Variants in TCN2 observed in about 807,000 individuals in gnomAD.
TCN2 encodes transcobalamin-2.
A neutral mutation model predicts 48.6 loss-of-function variants in TCN2; 34 were observed. The observed-to-expected ratio is 0.70, with a 90% CI of 0.53 to 0.93. The LOEUF is 0.93. Among genes scored for constraint, TCN2 ranks in the 40% least tolerant of loss-of-function variants. The probability of loss-of-function intolerance (pLI) is 0.00; values close to 1 mark genes in which losing one functional copy is unlikely to be tolerated. For missense variants in TCN2, 652 were observed against 526.1 expected (o/e 1.24, Z -2.34); for synonymous variants, 283 against 212.5 (o/e 1.33, Z -2.89).
chr22:30,614,028 G>C (rs1181883746), intron 3 of TCN2, among the ~76,000 whole-genome samples: 1 of 152,088 alleles, frequency 6.6e-6, no homozygotes, highest in Non-Finnish European at 1.5e-5. Flanking sequence ...CCTCCTTGGA[G>C]AATCCTGCCT....
chr22:30,608,356 C>T (rs1366316102), intron 1 of TCN2, among the ~76,000 whole-genome samples: 1 of 152,154 alleles, frequency 6.6e-6, no homozygotes, highest in Non-Finnish European at 1.5e-5. Flanking sequence ...CTTTGCTGAA[C>T]TTAGTTTTTA....
At chr22:30,615,579 C>T (rs201825194) in intron 5 of TCN2, 22 bp from the exon 6 acceptor site, 6 of 1,613,978 alleles carry the variant, frequency 3.7e-6, no homozygotes, top group East Asian at 2.2e-5. Flanking sequence ...CTTCCTCTCT[C>T]TCTTCCTCAC....
rs911038185 is a variant in TCN2, at chr22:30,615,762, C to T, written c.915C>T (p.Ile305=). 41 of 1,614,222 alleles carry T rather than the reference C, an allele frequency of 2.5e-5. No individual in the cohort carries two copies. The highest frequency in any genetic ancestry group is 3.4e-5 in the Non-Finnish European group (40 of 1,180,040). ...ACCACAAGACCTACATTGATCTGAT[C>T]TTCCCAGACTGTCTGGCACCACGAG... ...VLNHKTYIDL[I]FPDCLAPRVM... Residue 305 remains isoleucine (I), a synonymous_variant, in exon 6 of 9, where the codon ATC becomes ATT. Coordinates refer to ENST00000215838, the MANE Select transcript of TCN2 (RefSeq NM_000355.4).
chr22:30,619,585 C>T (rs1182058446), intron 7 of TCN2, among the ~76,000 whole-genome samples: 1 of 152,136 alleles, frequency 6.6e-6, no homozygotes, highest in South Asian at 2.1e-4. Flanking sequence ...GGGAGTCCAG[C>T]CCAGAGAAGT....
intron 6 of TCN2, 59 bp downstream of exon 6, chr22:30,615,846 T>A: frequency 6.2e-7 from 1 of 1,603,014 alleles, no homozygotes; most frequent in Non-Finnish European, 8.5e-7. Context: ...CCCATTGACG[T>A]CCCAGTGAGG....
chr22:30,612,555 A>G (rs1569039388), intron 2 of TCN2, among the ~76,000 whole-genome samples: 2 of 152,302 alleles, frequency 1.3e-5, no homozygotes, highest in African/African-American at 4.8e-5. Flanking sequence ...TGTCTCAAAG[A>G]AAATAAATAA....
At chr22:30,616,645 C>G (rs375376684) in intron 6 of TCN2, among the ~76,000 whole-genome samples, 1 of 151,878 alleles carries the variant, frequency 6.6e-6, no homozygotes, top group East Asian at 1.9e-4. Flanking sequence ...TACTAAAATA[C>G]GAAAGATTAG....
rs372462772 is a variant in TCN2 at position 30,617,307 on chromosome 22, C to T, written c.941-23C>T. 3.1e-6 allele frequency: 5 copies of T among 1,613,950 alleles called. 1 individual carries two copies. In the South Asian group the frequency reaches 3.3e-5, roughly 11 times the overall value. ...GGCTCTCTGTCCTCACACCAGCTGC[C>T]CGCCCCTTTCTTCCTGGCACAGTCA... On this transcript the variant is annotated intron_variant, in intron 6 of 8. Coordinates refer to ENST00000215838, the MANE Select transcript of TCN2 (RefSeq NM_000355.4).
intron 8 of TCN2, 198 bp downstream of exon 8, chr22:30,623,281 A>C (rs2087725200): frequency 1.8e-6 from 1 of 547,252 alleles, no homozygotes; most frequent in Non-Finnish European, 3.2e-6. Flanking sequence ...AAATTCTAGG[A>C]AACCAGACAG....
intron 1 of TCN2, 107 bp downstream of exon 1, chr22:30,607,502 G>A (rs769439047): frequency 7.5e-5 from 95 of 1,259,600 alleles, no homozygotes; most frequent in Non-Finnish European, 1.0e-4. Context: ...TCCCATAGCA[G>A]TTTGGGCTTA....
intron 3 of TCN2, among the ~76,000 whole-genome samples, chr22:30,613,587 A>G (rs1467931716): frequency 1.3e-5 from 2 of 152,112 alleles, no homozygotes; most frequent in African/African-American, 4.8e-5. Flanking sequence ...CCCACTGACA[A>G]GCCTTGTATT....
At chr22:30,610,795 G>T in intron 1 of TCN2, 76 bp from the exon 2 acceptor site, 2 of 1,511,842 alleles carry the variant, frequency 1.3e-6, no homozygotes, top group South Asian at 1.1e-5. Context: ...TCTGGAGAAG[G>T]CCCTGGTAAC....
At chr22:30,620,268 G>A (rs889016200) in intron 7 of TCN2, among the ~76,000 whole-genome samples, 5 of 152,172 alleles carry the variant, frequency 3.3e-5, no homozygotes, top group Admixed American at 2.6e-4. Context: ...CCGGGCCAAC[G>A]TGGCGAAAGC....
At chr22:30,623,736 A>G (rs1463378197) in intron 8 of TCN2, among the ~76,000 whole-genome samples, 1 of 76,166 alleles carries the variant, frequency 1.3e-5, no homozygotes, top group Non-Finnish European at 2.4e-5. Context: ...ATATGTATAC[A>G]TATATATACA....
chr22:30,609,942 C>T (rs1427443153), intron 1 of TCN2, among the ~76,000 whole-genome samples: 2 of 152,178 alleles, frequency 1.3e-5, no homozygotes, highest in Non-Finnish European at 2.9e-5. Flanking sequence ...TTCTGGTCCC[C>T]TGGGATATGG....
Position 30,623,752 on chromosome 22 carries a change from ATATATG to A in TCN2, c.1222+675_1222+680del, listed in dbSNP as rs1296081418. On this transcript the variant is annotated intron_variant, in intron 8 of 8. Coordinates refer to ENST00000215838, the MANE Select transcript of TCN2 (RefSeq NM_000355.4). The stretch of plus-strand genomic sequence containing the variant: ...TATGTATACATATATATACACACAT[ATATATG>A]TATATATATATACACACATATATAT... Among the ~76,000 whole-genome samples, 8 of 85,254 alleles carry A rather than the reference ATATATG, an allele frequency of 9.4e-5. 1 individual carries two copies. Among genetic ancestry groups the A allele is most frequent in the Admixed American group, 8.8e-4 (6 of 6,854 alleles). 55.9% of individuals were successfully genotyped at this position (85,254 alleles called of 152,430 possible).
chr22:30,614,518 G>C lies in TCN2; in HGVS notation c.580+17G>C. 1 of 1,613,904 alleles carries C rather than the reference G, an allele frequency of 6.2e-7. No individual in the cohort carries two copies. The highest frequency in any genetic ancestry group is 8.5e-7 in the Non-Finnish European group (1 of 1,179,978). ...ATTCTGTGGGTGAGTAGGTCAGACC[G>C]TGCCAAGGCCAGGCTGGCACTCCCT... On this transcript the variant is annotated intron_variant, in intron 4 of 8. Transcript: ENST00000215838.
intron 4 of TCN2, 69 bp from the exon 5 acceptor site, chr22:30,615,232 C>T (rs2087594336): frequency 9.6e-6 from 15 of 1,560,390 alleles, no homozygotes; most frequent in Non-Finnish European, 1.3e-5. Flanking sequence ...GGGCCTGACC[C>T]TCAAGCCCCT....
At chr22:30,616,691 C>G (rs1299901150) in intron 6 of TCN2, among the ~76,000 whole-genome samples, 1 of 151,966 alleles carries the variant, frequency 6.6e-6, no homozygotes, top group Admixed American at 6.6e-5. Flanking sequence ...ATCCCAGCTA[C>G]TAGGGAGGCT....
Sources: allele counts gnomAD v4.1 joint callset (sites outside exome capture counted in the v4.1 genomes callset), GRCh38; gene constraint gnomAD v4.1.1; transcripts MANE v1.5; gene names NCBI Gene and HGNC (gene_info 2026-07-23, HGNC 2026-07-21).